Variants in GSE1 observed in about 807,000 individuals in gnomAD.
GSE1 encodes the protein Gse1 coiled-coil protein.
In GSE1, 32 loss-of-function variants were observed where a neutral mutation model predicts 112.6. The ratio of observed to expected loss-of-function variants is 0.28; its 90% CI spans 0.21 to 0.38. The LOEUF (loss-of-function observed/expected upper bound fraction) is 0.38. Ranked by LOEUF, GSE1 falls within the 10% of genes least tolerant of loss-of-function variation. GSE1 has a pLI of 1.00. For synonymous variants in GSE1, 1,115 were observed against 735.6 expected, an observed-to-expected ratio of 1.52 and a Z score of -8.35; for missense variants, 2,348 against 1,699.2, an observed-to-expected ratio of 1.38 and a Z score of -6.71.
chr16:85,418,116 C>A (rs555222275), intron 2 of GSE1, among the ~76,000 whole-genome samples: 1 of 152,228 alleles, frequency 6.6e-6, no homozygotes, highest in African/African-American at 2.4e-5. Context: ...GGATTACAGG[C>A]GTGAGCCACC....
At position 85,524,587 on chromosome 16, in the gene GSE1, T is replaced by C. The variant is rs140680261; in HGVS notation, c.2465-109327T>C. Among the ~76,000 whole-genome samples, 934 of 152,178 alleles carry C rather than the reference T, an allele frequency of 6.1e-3. 2 individuals are homozygous for C. The highest frequency in any genetic ancestry group is 0.011 in the Non-Finnish European group (717 of 67,978). On this transcript the variant is annotated intron_variant, in intron 2 of 2. Transcript: ENST00000637419. ...GGGTCCAGGGGGAGCCGAGGGGTGC[T>C]GAGGCCTCATGCCCTGGGCCGGGAG... is the stretch of plus-strand genomic sequence containing the variant.
intron 2 of GSE1, among the ~76,000 whole-genome samples, chr16:85,397,081 G>A (rs964107534): frequency 6.6e-6 from 1 of 152,174 alleles, no homozygotes; most frequent in Non-Finnish European, 1.5e-5. Flanking sequence ...AGATGGAAAA[G>A]GAGACAGGCC....
intron 1 of GSE1, among the ~76,000 whole-genome samples, chr16:85,206,350 G>A (rs1229949033): frequency 6.6e-6 from 1 of 152,202 alleles, no homozygotes; most frequent in Non-Finnish European, 1.5e-5. Context: ...GCTGGGGATG[G>A]CCGGGCCACA....
chr16:85,294,820 C>G (rs2045323870), intron 1 of GSE1, among the ~76,000 whole-genome samples: 1 of 151,948 alleles, frequency 6.6e-6, no homozygotes, highest in Admixed American at 6.6e-5. Context: ...GTGGGGATCT[C>G]TTGTGAATTG....
At chr16:85,485,474 G>T (rs2050803484) in intron 2 of GSE1, among the ~76,000 whole-genome samples, 1 of 152,244 alleles carries the variant, frequency 6.6e-6, no homozygotes, top group African/African-American at 2.4e-5. Flanking sequence ...AGGGAGCCAG[G>T]CATGGCCCCT....
chr16:85,205,788 A>G (rs117890091), intron 1 of GSE1, among the ~76,000 whole-genome samples: 6,974 of 152,280 alleles, frequency 0.046, 206 homozygotes, highest in Non-Finnish European at 0.071. Flanking sequence ...ATCCTCGCAG[A>G]CTGGGAGGAC....
intron 2 of GSE1, among the ~76,000 whole-genome samples, chr16:85,370,946 C>G (rs1019855875): frequency 6.6e-6 from 1 of 152,220 alleles, no homozygotes; most frequent in Non-Finnish European, 1.5e-5. Flanking sequence ...GCAGCCTGTG[C>G]CAGGGTGGGG....
At chr16:85,649,669 C>T (rs927093207) in intron 3 of GSE1, among the ~76,000 whole-genome samples, 6 of 152,178 alleles carry the variant, frequency 3.9e-5, no homozygotes, top group Admixed American at 3.9e-4. Flanking sequence ...TGGAGTGGGC[C>T]CTTCCTAATT....
intron 2 of GSE1, among the ~76,000 whole-genome samples, chr16:85,435,710 A>AGATATTCCCTCTCCT (rs1555511456): frequency 1.3e-5 from 2 of 151,302 alleles, no homozygotes; most frequent in African/African-American, 4.9e-5. Flanking sequence ...AATGGGCAGC[A>AGATATTCCCTCTCCT]GAAATTCCCT....
intron 1 of GSE1, among the ~76,000 whole-genome samples, chr16:85,615,272 G>C (rs964652063): frequency 2.6e-5 from 4 of 152,246 alleles, no homozygotes; most frequent in African/African-American, 9.6e-5. Flanking sequence ...GCCGCCGGCT[G>C]TGCAGGGAGT....
chr16:85,452,368 T>C (rs4783208), intron 2 of GSE1, among the ~76,000 whole-genome samples: 141,194 of 152,234 alleles, frequency 0.93, 66,425 homozygotes, highest in East Asian at 1. Context: ...GTTCCCACTC[T>C]GGCCCCCACC....
intron 1 of GSE1, among the ~76,000 whole-genome samples, chr16:85,618,135 C>G (rs1017073328): frequency 2.0e-5 from 3 of 152,092 alleles, no homozygotes; most frequent in Non-Finnish European, 4.4e-5. Context: ...ACCGGTTCCT[C>G]CAGCTGGAGG....
chr16:85,176,553 C>G (rs1226312978), intron 1 of GSE1, among the ~76,000 whole-genome samples: 1 of 152,250 alleles, frequency 6.6e-6, no homozygotes, highest in Non-Finnish European at 1.5e-5. Flanking sequence ...GAAGATGGGT[C>G]TGCTGCATGA....
chr16:85,605,052 T>C (rs928679890), intron 1 of GSE1, among the ~76,000 whole-genome samples: 17 of 149,994 alleles, frequency 1.1e-4, no homozygotes, highest in Admixed American at 5.3e-4. Flanking sequence ...CTCCTGACCT[T>C]GTGATCCGTC....
At chr16:85,483,131 G>A (rs2050733696) in intron 2 of GSE1, among the ~76,000 whole-genome samples, 1 of 152,252 alleles carries the variant, frequency 6.6e-6, no homozygotes, top group South Asian at 2.1e-4. Flanking sequence ...TGGATCAGGT[G>A]TATATGAAGC....
At chr16:85,571,564 G>A (rs1221465331) in intron 1 of GSE1, among the ~76,000 whole-genome samples, 1 of 152,246 alleles carries the variant, frequency 6.6e-6, no homozygotes, top group Non-Finnish European at 1.5e-5. Flanking sequence ...GGGCCTGGGA[G>A]CGTCACCGGG....
intron 1 of GSE1, among the ~76,000 whole-genome samples, chr16:85,268,656 G>C (rs943277922): frequency 6.6e-6 from 1 of 152,188 alleles, no homozygotes; most frequent in Non-Finnish European, 1.5e-5. Flanking sequence ...ATCCCGGCGT[G>C]TAGCTGCCCC....
rs897844445 is a variant in GSE1 at position 85,311,857 on chromosome 16, C to A, written c.2284-45606C>A. On this transcript the variant is annotated intron_variant, in intron 1 of 2. Transcript: ENST00000637419. This position sits in a 1 kb window ranked among gnomAD's most constrained non-coding sequence, Gnocchi z 4.2. Reference sequence around the variant, plus strand: ...TGGCCCCAGCCGCGAGTCCTTCTCACCCCAGACCCCAGCGTCTGTGTTTCA... The same window carrying A: ...TGGCCCCAGCCGCGAGTCCTTCTCAACCCAGACCCCAGCGTCTGTGTTTCA... Among the ~76,000 whole-genome samples, 6 of 152,190 alleles carry A rather than the reference C, an allele frequency of 3.9e-5. No individual in the cohort carries two copies. Among genetic ancestry groups the A allele is most frequent in the Non-Finnish European group, 8.8e-5 (6 of 68,024 alleles).
chr16:85,210,495 A>G (rs2075206413), intron 1 of GSE1, among the ~76,000 whole-genome samples: 1 of 152,076 alleles, frequency 6.6e-6, no homozygotes, highest in African/African-American at 2.4e-5. Context: ...AGGCTGAGGT[A>G]GGAGGATTGC....
Sources: allele counts gnomAD v4.1 joint callset (sites outside exome capture counted in the v4.1 genomes callset), GRCh38; gene constraint gnomAD v4.1.1; non-coding constraint Gnocchi (gnomAD v3.1); transcripts MANE v1.5; gene names NCBI Gene and HGNC (gene_info 2026-07-23, HGNC 2026-07-21).